HIPK3: variants seen among roughly 807,000 people sequenced by gnomAD.
The protein encoded by HIPK3 is homeodomain interacting protein kinase 3, also known as homeodomain-interacting protein kinase 3.
A neutral mutation model predicts 124.2 loss-of-function variants in HIPK3; 47 were observed. The ratio of observed to expected loss-of-function variants is 0.38; its 90% CI spans 0.30 to 0.48. The LOEUF is 0.48. Ranked by LOEUF, HIPK3 falls within the 20% of genes least tolerant of loss-of-function variation. HIPK3 has a pLI of 0.98. For synonymous variants in HIPK3, 482 were observed against 515.2 expected (o/e 0.94, Z 0.87); for missense variants, 1,286 against 1,454.3 (o/e 0.88, Z 1.88).
intron 8 of HIPK3, among the ~76,000 whole-genome samples, chr11:33,344,586 A>G (rs1200530042): frequency 6.6e-6 from 1 of 152,240 alleles, no homozygotes; most frequent in African/African-American, 2.4e-5. Context: ...TAAAGTAACA[A>G]CTATATCAGT....
chr11:33,341,693 T>G lies in HIPK3; in HGVS notation c.1897+7T>G. On this transcript the variant is annotated splice_region_variant and intron_variant, in intron 8 of 16. Coordinates refer to ENST00000303296, the MANE Select transcript of HIPK3 (RefSeq NM_005734.5). ...TGTCCCCCAGCTATTCAAGGTATTATTTTATTTAAATTTTGCTTTGAATCT... is the reference window on the plus strand; with the variant it reads ...TGTCCCCCAGCTATTCAAGGTATTAGTTTATTTAAATTTTGCTTTGAATCT... 6.3e-7 allele frequency: 1 copy of G among 1,594,678 alleles called. No individual in the cohort carries two copies. Among genetic ancestry groups the G allele is most frequent in the Middle Eastern group, 1.7e-4 (1 of 5,976 alleles).
chr11:33,348,024 G>A lies in HIPK3; in HGVS notation c.2306+11G>A. On this transcript the variant is annotated intron_variant, in intron 11 of 16. Transcript: ENST00000303296. ...ACAGTGCCAGAACAGGTTGGTATTG[G>A]TGCTTTAGCTTTCCTCTGCATTTTG... The A allele has an allele frequency of 1.2e-6, 2 of 1,613,826 alleles. No individual in the cohort carries two copies. Among genetic ancestry groups the A allele is most frequent in the Non-Finnish European group, 1.7e-6 (2 of 1,179,740 alleles).
intron 14 of HIPK3, among the ~76,000 whole-genome samples, chr11:33,350,723 T>C (rs916639276): frequency 6.6e-6 from 1 of 152,190 alleles, no homozygotes; most frequent in East Asian, 1.9e-4. Context: ...AATAAAGTCT[T>C]ATTTTAGTGG....
At chr11:33,317,164 T>G (rs951342035) in intron 2 of HIPK3, among the ~76,000 whole-genome samples, 1 of 151,910 alleles carries the variant, frequency 6.6e-6, no homozygotes, top group Non-Finnish European at 1.5e-5. Flanking sequence ...AGAGATGGGG[T>G]TTTGCCGTAT....
intron 1 of HIPK3, among the ~76,000 whole-genome samples, chr11:33,270,820 G>T (rs1049364054): frequency 6.6e-6 from 1 of 151,922 alleles, no homozygotes; most frequent in African/African-American, 2.4e-5. Context: ...AATGTGATAA[G>T]AAAAAGAATA....
intron 16 of HIPK3, among the ~76,000 whole-genome samples, chr11:33,352,864 C>A (rs1342623544): frequency 6.6e-6 from 1 of 151,952 alleles, no homozygotes; most frequent in Non-Finnish European, 1.5e-5. Flanking sequence ...GCAGTAATAG[C>A]AGTGTTTATA....
rs779524423 is a variant in HIPK3, at chr11:33,286,972, G to A, written c.558G>A (p.Gln186=). Residue 186 remains glutamine (Q), a synonymous_variant, in exon 2 of 17, where the codon CAG becomes CAA. Transcript: ENST00000303296. ...GAGAAGGTGACTATCAGTTAGTACA[G>A]CATGAAGTCTTATGCTCCATGAAAA... ...TTGEGDYQLV[Q]HEVLCSMKNT... The A allele has an allele frequency of 1.2e-6, 2 of 1,613,948 alleles. No individual in the cohort carries two copies. The highest frequency in any genetic ancestry group is 2.7e-5 in the African/African-American group (2 of 74,924).
rs1218656211 is a variant in HIPK3 at position 33,356,595 on chromosome 11, T to C, written c.*3027T>C. ...TTTTAAAATCTGCTAATTTTAAACTTGGACTGTGTTAAGTAAAAGTTAAAT... is the reference window on the plus strand; with the variant it reads ...TTTTAAAATCTGCTAATTTTAAACTCGGACTGTGTTAAGTAAAAGTTAAAT... On this transcript the variant is annotated 3_prime_UTR_variant, in exon 17 of 17. Coordinates refer to ENST00000303296, the MANE Select transcript of HIPK3 (RefSeq NM_005734.5). The C allele has an allele frequency of 6.6e-6, 1 of 152,102 alleles. No homozygotes were observed. Among genetic ancestry groups the C allele is most frequent in the African/African-American group, 2.4e-5 (1 of 41,456 alleles). The allele number at this position is 152,102 out of a possible 1,614,324, so 9.4% of individuals were successfully genotyped here. A position where few individuals can be genotyped will look rare whatever the true frequency, so the allele number is the denominator to read the frequency against.
At position 33,347,750 on chromosome 11, in the gene HIPK3, G is replaced by T. The variant is rs1249680989; in HGVS notation, c.2141G>T (p.Trp714Leu). 1 of 1,613,460 alleles carries T rather than the reference G, an allele frequency of 6.2e-7. No homozygotes were observed. Among genetic ancestry groups the T allele is most frequent in the South Asian group, 1.1e-5 (1 of 91,064 alleles). Residue 714 changes from tryptophan to leucine, a missense_variant, in exon 10 of 17, where the codon TGG becomes TTG. By Grantham distance (61) the Trp-to-Leu change is moderately conservative. Transcript: ENST00000303296. ...SVAGSHRLGD[W>L]GKMISCSNHY... ...GCTGGTTCACACAGGCTTGGAGACT[G>T]GGGGTAAGCTGAAAACAAAAGTACT...
At chr11:33,302,253 T>C (rs1324793760) in intron 2 of HIPK3, among the ~76,000 whole-genome samples, 1 of 152,060 alleles carries the variant, frequency 6.6e-6, no homozygotes, top group Non-Finnish European at 1.5e-5. Flanking sequence ...AAAAATGGTA[T>C]CATGTTTCAC....
rs571027840 is a variant in HIPK3 at position 33,306,122 on chromosome 11, A to T, written c.1097+18611A>T. On this transcript the variant is annotated intron_variant, in intron 2 of 16. Transcript: ENST00000303296. ...CTTAATTTATAGAAGAGGCAACTGA[A>T]ATCTAATATACTTAAATGAGAATTG... Among the ~76,000 whole-genome samples, 3 of 152,346 alleles carry T rather than the reference A, an allele frequency of 2.0e-5. No homozygotes were observed. The East Asian group carries it at 5.8e-4, about 29-fold the overall frequency.
intron 8 of HIPK3, among the ~76,000 whole-genome samples, chr11:33,342,625 C>A (rs1367939451): frequency 1.3e-5 from 2 of 151,034 alleles, no homozygotes; most frequent in East Asian, 3.9e-4. Context: ...CGCACTGCAA[C>A]CTGCAGCCTC....
intron 2 of HIPK3, among the ~76,000 whole-genome samples, chr11:33,319,186 T>G (rs73487228): frequency 0.098 from 14,966 of 152,262 alleles, 1,670 homozygotes; most frequent in African/African-American, 0.28. Context: ...AGAAGAACAA[T>G]GCAGTAATCT....
At chr11:33,287,574 CT>C in intron 2 of HIPK3, 63 bp downstream of exon 2, 1 of 1,522,194 alleles carries the variant, frequency 6.6e-7, no homozygotes, top group East Asian at 2.3e-5. Context: ...AAATGAAATA[CT>C]TTTGTGTGTG....
At chr11:33,303,211 T>A (rs1473568123) in intron 2 of HIPK3, among the ~76,000 whole-genome samples, 1 of 152,230 alleles carries the variant, frequency 6.6e-6, no homozygotes, top group Non-Finnish European at 1.5e-5. Flanking sequence ...ACGTAACCTA[T>A]GCACTGCCTC....
At chr11:33,288,084 A>C (rs1270572603) in intron 2 of HIPK3, among the ~76,000 whole-genome samples, 6 of 152,160 alleles carry the variant, frequency 3.9e-5, no homozygotes, top group African/African-American at 1.4e-4. Context: ...ATGCCCAAAA[A>C]GTTTCAGATA....
intron 1 of HIPK3, among the ~76,000 whole-genome samples, chr11:33,283,233 C>T (rs1590354857): frequency 6.6e-6 from 1 of 152,022 alleles, no homozygotes; most frequent in African/African-American, 2.4e-5. Context: ...GCCTCAGCCT[C>T]CCGAGTAGCT....
intron 2 of HIPK3, among the ~76,000 whole-genome samples, chr11:33,287,965 G>T (rs1851601118): frequency 6.6e-6 from 1 of 152,060 alleles, no homozygotes; most frequent in South Asian, 2.1e-4. Flanking sequence ...AACTTTTGGG[G>T]CCAGAAGTGT....
chr11:33,257,550 G>A lies in HIPK3; in HGVS notation c.-342G>A. On this transcript the variant is annotated 5_prime_UTR_variant, in exon 1 of 17. Transcript: ENST00000303296. Reference sequence around the variant, plus strand: ...GCCCCGCACCCTGCGTCGCCCGTAGGCCCCAGTAGCCGGAGGCCGACCGGC... The same window carrying A: ...GCCCCGCACCCTGCGTCGCCCGTAGACCCCAGTAGCCGGAGGCCGACCGGC... 1.0e-6 allele frequency: 1 copy of A among 985,634 alleles called. No homozygotes were observed. The highest frequency in any genetic ancestry group is 1.2e-6 in the Non-Finnish European group (1 of 830,058). 61.1% of individuals were successfully genotyped at this position (985,634 alleles called of 1,614,324 possible).
Sources: gnomAD v4.1 joint callset for allele counts (sites outside exome capture counted in the v4.1 genomes callset) on GRCh38, gnomAD v4.1.1 for gene constraint, MANE v1.5 for transcripts, NCBI Gene and HGNC (gene_info 2026-07-23, HGNC 2026-07-21) for gene names.